ACTR2: variants seen among roughly 807,000 people sequenced by gnomAD.
ACTR2 encodes actin related protein 2.
In ACTR2, 5 loss-of-function variants were observed where a neutral mutation model predicts 50.2. The observed-to-expected ratio is 0.10, with a 90% CI of 0.05 to 0.21. The LOEUF (loss-of-function observed/expected upper bound fraction) is 0.21. ACTR2 is among the 10% of genes least tolerant of loss of function. ACTR2 has a pLI of 1.00. For missense variants in ACTR2, 180 were observed against 480.6 expected, an observed-to-expected ratio of 0.37 and a Z score of 5.85; for synonymous variants, 140 against 162.9, an observed-to-expected ratio of 0.86 and a Z score of 1.07.
chr2:65,259,103 G>A (rs952543743), intron 6 of ACTR2, among the ~76,000 whole-genome samples: 1 of 151,950 alleles, frequency 6.6e-6, no homozygotes, highest in Admixed American at 6.6e-5. Flanking sequence ...CTCCTAGGTA[G>A]CTGGGACCAA....
intron 2 of ACTR2, among the ~76,000 whole-genome samples, chr2:65,244,347 A>G (rs1174411338): frequency 6.9e-6 from 1 of 144,668 alleles, no homozygotes; most frequent in Non-Finnish European, 1.5e-5. Context: ...CAAAAATGGT[A>G]TATATAATTA....
chr2:65,237,936 A>G (rs543510348), intron 1 of ACTR2, among the ~76,000 whole-genome samples: 32 of 152,230 alleles, frequency 2.1e-4, no homozygotes, highest in Non-Finnish European at 4.1e-4. Context: ...CAAGCTTGCA[A>G]TGATCTGAGA....
chr2:65,264,959 C>G, intron 7 of ACTR2, 84 bp from the exon 8 acceptor site: 11 of 1,499,940 alleles, frequency 7.3e-6, no homozygotes, highest in Non-Finnish European at 1.0e-5. Flanking sequence ...CCAGCAACCC[C>G]GAGGCTGACA....
chr2:65,266,896 G>A (rs1006215130), intron 8 of ACTR2, among the ~76,000 whole-genome samples: 2 of 152,202 alleles, frequency 1.3e-5, no homozygotes, highest in African/African-American at 4.8e-5. Context: ...CAATTTGTCT[G>A]TAGGAATCTG....
At chr2:65,258,090 C>T (rs770620250) in intron 6 of ACTR2, among the ~76,000 whole-genome samples, 5 of 152,146 alleles carry the variant, frequency 3.3e-5, no homozygotes, top group Non-Finnish European at 5.9e-5. Context: ...TTAATCATCT[C>T]CAGATTTGCT....
chr2:65,269,315 G>T lies in ACTR2; in HGVS notation c.*581G>T, dbSNP rs527527173. ...TTTTGGGTGGGTTTTGTTGCGGGGG[G>T]GAGGGTAACAATGGGTGGTCTTCTG... On this transcript the variant is annotated 3_prime_UTR_variant, in exon 9 of 9. Coordinates refer to ENST00000260641, the MANE Select transcript of ACTR2 (RefSeq NM_005722.4). 6.6e-6 allele frequency: 1 copy of T among 151,732 alleles called. No individual in the cohort carries two copies. Among genetic ancestry groups the T allele is most frequent in the African/African-American group, 2.4e-5 (1 of 41,256 alleles). The allele number at this position is 151,732 out of a possible 1,614,324, so 9.4% of individuals were successfully genotyped here. A position where few individuals can be genotyped will look rare whatever the true frequency, so the allele number is the denominator to read the frequency against.
intron 2 of ACTR2, among the ~76,000 whole-genome samples, chr2:65,242,420 A>G (rs1034805435): frequency 3.5e-4 from 54 of 152,176 alleles, no homozygotes; most frequent in African/African-American, 1.2e-3. Context: ...ATTCAAGTGA[A>G]GTTGTTACAT....
chr2:65,236,167 C>T (rs1038707553), intron 1 of ACTR2, among the ~76,000 whole-genome samples: 4 of 151,906 alleles, frequency 2.6e-5, no homozygotes, highest in East Asian at 1.9e-4. Context: ...GGTGAAACCC[C>T]GTCTCTACTA....
intron 3 of ACTR2, among the ~76,000 whole-genome samples, chr2:65,248,023 TAAGC>T (rs1457824255): frequency 6.6e-6 from 1 of 152,090 alleles, no homozygotes; most frequent in Non-Finnish European, 1.5e-5. Flanking sequence ...TATTAAAGAA[TAAGC>T]AAGGAAGCCA....
chr2:65,240,947 A>G lies in ACTR2; in HGVS notation c.159+985A>G, dbSNP rs72892666. On this transcript the variant is annotated intron_variant, in intron 2 of 8. Transcript: ENST00000260641. ...ATGTAGCCTTCTGCTTTTGGGATAGAGAGTTGAGTTACACAATGAATAAAA... is the reference window on the plus strand; with the variant it reads ...ATGTAGCCTTCTGCTTTTGGGATAGGGAGTTGAGTTACACAATGAATAAAA... Among the ~76,000 whole-genome samples the G allele has an allele frequency of 9.3e-3, 1,415 of 151,662 alleles. 34 individuals carry two copies. Among genetic ancestry groups the G allele is most frequent in the African/African-American group, 0.032 (1,314 of 41,332 alleles).
intron 1 of ACTR2, among the ~76,000 whole-genome samples, chr2:65,229,813 AT>A (rs1558618409): frequency 6.6e-6 from 1 of 152,092 alleles, no homozygotes; most frequent in Non-Finnish European, 1.5e-5. Context: ...TAAGAATGTA[AT>A]ATTTTTAAAA....
intron 6 of ACTR2, among the ~76,000 whole-genome samples, chr2:65,258,120 G>A (rs1284870511): frequency 1.3e-5 from 2 of 152,156 alleles, no homozygotes; most frequent in Non-Finnish European, 2.9e-5. Flanking sequence ...CCTTCCTGAA[G>A]TCTTCTTGAC....
chr2:65,239,542 G>C (rs1671804329), intron 1 of ACTR2, among the ~76,000 whole-genome samples: 1 of 152,260 alleles, frequency 6.6e-6, no homozygotes, highest in African/African-American at 2.4e-5. Context: ...TGTGCCAGGA[G>C]CTCTGTTAGG....
chr2:65,247,456 CG>C (rs1484457811), intron 3 of ACTR2, among the ~76,000 whole-genome samples: 1 of 151,986 alleles, frequency 6.6e-6, no homozygotes, highest in Non-Finnish European at 1.5e-5. Flanking sequence ...GGCGTGGTGG[CG>C]GGTGCCTGTA....
intron 5 of ACTR2, 129 bp downstream of exon 5, chr2:65,253,993 C>G (rs1449600833): frequency 1.5e-6 from 1 of 667,884 alleles, no homozygotes; most frequent in Non-Finnish European, 2.4e-6. Flanking sequence ...AATTACCTCC[C>G]TTATTTATAT....
At position 65,230,466 on chromosome 2, in the gene ACTR2, C is replaced by T. The variant is rs541466341; in HGVS notation, c.48+2509C>T. On this transcript the variant is annotated intron_variant, in intron 1 of 8. Transcript: ENST00000260641. ...TAGCTCTGTTGCCCAGGCTGGAGAG[C>T]GATGGCGTGATCTCGGCTCTCTGCA... is the stretch of plus-strand genomic sequence containing the variant. Among the ~76,000 whole-genome samples, 13 of 135,584 alleles carry T rather than the reference C, an allele frequency of 9.6e-5. No individual in the cohort carries two copies. In the East Asian group the frequency reaches 1.9e-3, roughly 20 times the overall value. The allele number at this position is 135,584 out of a possible 152,430, so 88.9% of individuals were successfully genotyped here. A position where few individuals can be genotyped will look rare whatever the true frequency, so the allele number is the denominator to read the frequency against.
chr2:65,236,156 T>G (rs1671734429), intron 1 of ACTR2, among the ~76,000 whole-genome samples: 1 of 152,046 alleles, frequency 6.6e-6, no homozygotes, highest in Admixed American at 6.5e-5. Context: ...CTGGCCAACA[T>G]GGTGAAACCC....
chr2:65,237,275 T>C (rs1295937282), intron 1 of ACTR2, among the ~76,000 whole-genome samples: 3 of 152,202 alleles, frequency 2.0e-5, no homozygotes, highest in Admixed American at 6.5e-5. Context: ...ATTTATTTTT[T>C]GTATGTTTTT....
At chr2:65,254,967 A>AT (rs200269427) in intron 5 of ACTR2, among the ~76,000 whole-genome samples, 252 of 151,948 alleles carry the variant, frequency 1.7e-3, no homozygotes, top group African/African-American at 5.7e-3. Context: ...AAGTCTAGTA[A>AT]TTTTTTTTCT....
Sources: gnomAD v4.1 joint callset for allele counts (sites outside exome capture counted in the v4.1 genomes callset) on GRCh38, gnomAD v4.1.1 for gene constraint, MANE v1.5 for transcripts, NCBI Gene and HGNC (gene_info 2026-07-23, HGNC 2026-07-21) for gene names.